ATXN10: variants seen among roughly 807,000 people sequenced by gnomAD.
ATXN10 encodes ataxin 10, also known as ataxin-10.
Under a neutral mutation model 52.9 loss-of-function variants are expected in ATXN10, and 28 were observed. The observed-to-expected ratio is 0.53, with a 90% confidence interval of 0.39 to 0.73. The LOEUF is 0.73. Ranked by LOEUF, ATXN10 falls within the 30% of genes least tolerant of loss-of-function variation. The probability of loss-of-function intolerance (pLI) is 0.00; values close to 1 mark genes in which losing one functional copy is unlikely to be tolerated. For synonymous variants in ATXN10, 226 were observed against 221.5 expected, an observed-to-expected ratio of 1.02 and a Z score of -0.18; for missense variants, 565 against 577.0, an observed-to-expected ratio of 0.98 and a Z score of 0.21.
At chr22:45,680,186 A>G (rs1922862624) in intron 1 of ATXN10, 1 of 152,246 alleles carries the variant, frequency 6.6e-6, no homozygotes. Flanking sequence ...CTCTTTCATT[A>G]TAGCTATTGA....
intron 1 of ATXN10, chr22:45,675,989 C>G (rs776549604): frequency 2.6e-5 from 4 of 152,026 alleles, no homozygotes; most frequent in Non-Finnish European, 1.5e-5. Flanking sequence ...TAGATATCAC[C>G]GTATTTCACA....
chr22:45,739,263 A>G (rs1408700671), intron 8 of ATXN10, among the ~76,000 whole-genome samples: 1 of 152,246 alleles, frequency 6.6e-6, no homozygotes, highest in Non-Finnish European at 1.5e-5. Flanking sequence ...TACATATTAT[A>G]TATACAAATC....
intron 7 of ATXN10, among the ~76,000 whole-genome samples, chr22:45,731,522 G>A (rs1925088214): frequency 6.6e-6 from 1 of 152,184 alleles, no homozygotes; most frequent in Non-Finnish European, 1.5e-5. Context: ...TCCTTTGTAT[G>A]CTGATATGAA....
rs1054915685 is a variant in ATXN10 at position 45,824,440 on chromosome 22, TCTC to T, written c.1237+17422_1237+17424del. On this transcript the variant is annotated intron_variant, in intron 10 of 11. Transcript: ENST00000252934. This position sits in a 1 kb window ranked among gnomAD's most constrained non-coding sequence, Gnocchi z 5.2. ...ATGTGTTTATTTCTCTGCATCTAAC[TCTC>T]CTCAAGGCACTAAATTGATATTTAG... Among the ~76,000 whole-genome samples the T allele has an allele frequency of 7.2e-5, 11 of 152,150 alleles. No individual in the cohort carries two copies. Among genetic ancestry groups the T allele is most frequent in the African/African-American group, 2.4e-4 (10 of 41,424 alleles).
intron 9 of ATXN10, among the ~76,000 whole-genome samples, chr22:45,747,006 A>C (rs1034270936): frequency 1.3e-5 from 2 of 152,146 alleles, no homozygotes; most frequent in African/African-American, 4.8e-5. Context: ...AGCAGCCTCC[A>C]TCCCTTCTTA....
At chr22:45,768,579 A>G (rs1423141422) in intron 9 of ATXN10, among the ~76,000 whole-genome samples, 1 of 152,224 alleles carries the variant, frequency 6.6e-6, no homozygotes, top group Non-Finnish European at 1.5e-5. Flanking sequence ...GTTTAGAGAA[A>G]ATACAGGCAT....
At chr22:45,751,562 G>A (rs1925950812) in intron 9 of ATXN10, among the ~76,000 whole-genome samples, 1 of 151,806 alleles carries the variant, frequency 6.6e-6, no homozygotes, top group Non-Finnish European at 1.5e-5. Flanking sequence ...CAGGTGTTCT[G>A]ACTTGGGTAC....
chr22:45,700,419 T>C, intron 4 of ATXN10, 41 bp downstream of exon 4: 1 of 1,485,888 alleles, frequency 6.7e-7, no homozygotes. Context: ...TGTGAGAAGA[T>C]TGTGGCTATA....
chr22:45,702,998 C>A, intron 5 of ATXN10, 151 bp downstream of exon 5: 1 of 982,672 alleles, frequency 1.0e-6, no homozygotes, highest in South Asian at 1.5e-5. Flanking sequence ...AGATTTTGAG[C>A]AGAATCTAGA....
At chr22:45,753,023 C>T (rs752421085) in intron 9 of ATXN10, among the ~76,000 whole-genome samples, 24 of 152,056 alleles carry the variant, frequency 1.6e-4, no homozygotes, top group Non-Finnish European at 2.5e-4. Context: ...CGTAAGCTAC[C>T]GTGCCCGGCT....
chr22:45,740,803 C>A (rs1260972661), intron 9 of ATXN10: 2 of 201,726 alleles, frequency 9.9e-6, no homozygotes, highest in African/African-American at 4.7e-5. Context: ...GGAGCCTAGA[C>A]AAATTTCTAA....
Position 45,805,239 on chromosome 22 carries a change from C to T in ATXN10, c.1174-1720C>T, listed in dbSNP as rs1283048520. Among the ~76,000 whole-genome samples the T allele has an allele frequency of 1.3e-5, 2 of 152,276 alleles. No individual in the cohort carries two copies. Among genetic ancestry groups the T allele is most frequent in the Admixed American group, 1.3e-4 (2 of 15,294 alleles). ...TTATGAGATTGTGGAGATGCTGGAA[C>T]CCTCATAAATTGCTGGGTGAAAATG... On this transcript the variant is annotated intron_variant, in intron 9 of 11. Coordinates refer to ENST00000252934, the MANE Select transcript of ATXN10 (RefSeq NM_013236.4). The surrounding 1 kb of genome is among the most constrained non-coding windows in gnomAD (Gnocchi z 4.4).
At chr22:45,686,835 A>C (rs577244785) in intron 1 of ATXN10, among the ~76,000 whole-genome samples, 1 of 132,828 alleles carries the variant, frequency 7.5e-6, no homozygotes, top group African/African-American at 2.9e-5. Flanking sequence ...AAAAAAAAAA[A>C]GGAGATGTAA....
At chr22:45,698,824 A>C (rs1212108950) in intron 3 of ATXN10, among the ~76,000 whole-genome samples, 1 of 152,208 alleles carries the variant, frequency 6.6e-6, no homozygotes, top group South Asian at 2.1e-4. Context: ...ACTTAGAAAA[A>C]ATTTTATGGT....
At chr22:45,809,803 A>G (rs1326200785) in intron 10 of ATXN10, among the ~76,000 whole-genome samples, 1 of 152,148 alleles carries the variant, frequency 6.6e-6, no homozygotes, top group Non-Finnish European at 1.5e-5. Flanking sequence ...ACATCTTTAT[A>G]TATTCTAGAT....
At chr22:45,809,513 C>G (rs1928211618) in intron 10 of ATXN10, among the ~76,000 whole-genome samples, 1 of 152,034 alleles carries the variant, frequency 6.6e-6, no homozygotes, top group African/African-American at 2.4e-5. Flanking sequence ...ATTGCTGTTT[C>G]TTGATATATC....
chr22:45,807,456 A>G (rs371101667), intron 10 of ATXN10, among the ~76,000 whole-genome samples: 2 of 152,210 alleles, frequency 1.3e-5, no homozygotes, highest in Non-Finnish European at 2.9e-5. Context: ...ACGTAGAAAC[A>G]TGAGGAGCAC....
Position 45,714,712 on chromosome 22 carries a change from A to AT in ATXN10, c.648-3694dup, listed in dbSNP as rs1468492520. Among the ~76,000 whole-genome samples, 5 of 152,036 alleles carry AT rather than the reference A, an allele frequency of 3.3e-5. No individual in the cohort carries two copies. The East Asian group carries it at 5.8e-4, about 18-fold the overall frequency. The stretch of plus-strand genomic sequence containing the variant: ...ATACTTTTTTATGTAAAAGTTTTTG[A>AT]TTTTTTTAGTAGATGAATTAATCAG... On this transcript the variant is annotated intron_variant, in intron 5 of 11. Coordinates refer to ENST00000252934, the MANE Select transcript of ATXN10 (RefSeq NM_013236.4).
chr22:45,724,730 C>CT (rs1924800351), intron 6 of ATXN10, among the ~76,000 whole-genome samples: 1 of 152,104 alleles, frequency 6.6e-6, no homozygotes, highest in African/African-American at 2.4e-5. Context: ...GTCATAAATG[C>CT]TTTGCCTTTG....
Sources: allele counts gnomAD v4.1 joint callset (sites outside exome capture counted in the v4.1 genomes callset), GRCh38; gene constraint gnomAD v4.1.1; non-coding constraint Gnocchi (gnomAD v3.1); transcripts MANE v1.5; gene names NCBI Gene and HGNC (gene_info 2026-07-23, HGNC 2026-07-21).